KCNIP4: variants seen among roughly 807,000 people sequenced by gnomAD.
KCNIP4 encodes potassium voltage-gated channel interacting protein 4.
Under a neutral mutation model 34.0 loss-of-function variants are expected in KCNIP4, and 12 were observed. The observed-to-expected ratio is 0.35, with a 90% CI of 0.23 to 0.57. KCNIP4 has a LOEUF of 0.57. Ranked by LOEUF, KCNIP4 falls within the 20% of genes least tolerant of loss-of-function variation. The probability of loss-of-function intolerance (pLI) is 0.83; values close to 1 mark genes in which losing one functional copy is unlikely to be tolerated. For missense variants in KCNIP4, 238 were observed against 311.7 expected, an observed-to-expected ratio of 0.76 and a Z score of 1.78; for synonymous variants, 124 against 102.2, an observed-to-expected ratio of 1.21 and a Z score of -1.29.
At chr4:21,141,238 C>A (rs1008723993) in intron 1 of KCNIP4, among the ~76,000 whole-genome samples, 1 of 151,946 alleles carries the variant, frequency 6.6e-6, no homozygotes, top group Non-Finnish European at 1.5e-5. Context: ...GGAAAAATGG[C>A]ACTGATAGAC....
intron 1 of KCNIP4, among the ~76,000 whole-genome samples, chr4:21,412,114 A>C (rs1198749419): frequency 6.6e-6 from 1 of 152,160 alleles, no homozygotes; most frequent in African/African-American, 2.4e-5. Context: ...AATGAAGTGT[A>C]AGAGAAATGA....
At chr4:20,795,228 A>T (rs1463000820) in intron 3 of KCNIP4, among the ~76,000 whole-genome samples, 7 of 152,158 alleles carry the variant, frequency 4.6e-5, no homozygotes, top group Non-Finnish European at 8.8e-5. Flanking sequence ...TTATGGGAAG[A>T]TAGAATAGAA....
chr4:21,117,099 C>G (rs1161465390), intron 1 of KCNIP4, among the ~76,000 whole-genome samples: 1 of 152,122 alleles, frequency 6.6e-6, no homozygotes, highest in Non-Finnish European at 1.5e-5. Flanking sequence ...AACCATTTCA[C>G]AAACGGGGAA....
chr4:21,826,454 G>C (rs1373643199), intron 1 of KCNIP4, among the ~76,000 whole-genome samples: 1 of 152,000 alleles, frequency 6.6e-6, no homozygotes, highest in Non-Finnish European at 1.5e-5. Flanking sequence ...CTTGATCGTA[G>C]CTTATTTGTG....
At chr4:21,169,201 G>A (rs1383592131) in intron 1 of KCNIP4, among the ~76,000 whole-genome samples, 2 of 152,094 alleles carry the variant, frequency 1.3e-5, no homozygotes, top group Non-Finnish European at 2.9e-5. Context: ...AGTGCAGGCT[G>A]GAGTGCAGTG....
At chr4:21,792,326 T>C (rs1017033123) in intron 1 of KCNIP4, among the ~76,000 whole-genome samples, 4 of 152,174 alleles carry the variant, frequency 2.6e-5, no homozygotes, top group Non-Finnish European at 5.9e-5. Context: ...TGGTCAGTCA[T>C]GAGAATTTCC....
intron 1 of KCNIP4, among the ~76,000 whole-genome samples, chr4:21,770,604 C>G (rs1360290035): frequency 3.9e-5 from 6 of 152,130 alleles, no homozygotes; most frequent in Non-Finnish European, 8.8e-5. Context: ...TCACCATAGA[C>G]TCGTCAGCAT....
intron 1 of KCNIP4, among the ~76,000 whole-genome samples, chr4:21,827,315 A>C (rs1397882568): frequency 6.6e-6 from 1 of 152,076 alleles, no homozygotes; most frequent in Non-Finnish European, 1.5e-5. Context: ...CATCCTTAGT[A>C]AAAATTCATA....
chr4:21,762,258 T>C (rs1365722286), intron 1 of KCNIP4, among the ~76,000 whole-genome samples: 1 of 152,054 alleles, frequency 6.6e-6, no homozygotes, highest in Non-Finnish European at 1.5e-5. Context: ...GCAATCAACA[T>C]AAAAAATTAT....
chr4:21,812,477 C>T (rs1282991919), intron 1 of KCNIP4, among the ~76,000 whole-genome samples: 1 of 151,838 alleles, frequency 6.6e-6, no homozygotes, highest in Non-Finnish European at 1.5e-5. Flanking sequence ...AAAAAGTAAA[C>T]AACACAAAAA....
At chr4:20,934,837 G>A (rs573778729) in intron 1 of KCNIP4, among the ~76,000 whole-genome samples, 10 of 152,288 alleles carry the variant, frequency 6.6e-5, no homozygotes, top group African/African-American at 2.4e-4. Flanking sequence ...TAAAACAACT[G>A]CAATTTATTC....
intron 1 of KCNIP4, among the ~76,000 whole-genome samples, chr4:20,924,358 G>A (rs180727735): frequency 5.3e-5 from 8 of 152,272 alleles, no homozygotes; most frequent in East Asian, 3.9e-4. Flanking sequence ...GCCTAAGCAC[G>A]ATCTTTGTGT....
At chr4:20,892,079 A>G (rs1725974089) in intron 1 of KCNIP4, among the ~76,000 whole-genome samples, 2 of 152,202 alleles carry the variant, frequency 1.3e-5, no homozygotes, top group South Asian at 4.1e-4. Context: ...CACTTTTAAG[A>G]GAAGTAGCAA....
At chr4:21,883,556 T>G (rs551055995) in intron 1 of KCNIP4, among the ~76,000 whole-genome samples, 52 of 152,296 alleles carry the variant, frequency 3.4e-4, no homozygotes, top group African/African-American at 1.2e-3. Flanking sequence ...TGATGAACCA[T>G]TGCTCCTGTG....
chr4:21,639,439 A>G (rs536760940), intron 1 of KCNIP4, among the ~76,000 whole-genome samples: 1 of 152,204 alleles, frequency 6.6e-6, no homozygotes, highest in Non-Finnish European at 1.5e-5. Flanking sequence ...TTTGTCATTA[A>G]ATAATTTTAA....
At chr4:21,665,235 AC>A (rs776688122) in intron 1 of KCNIP4, among the ~76,000 whole-genome samples, 3 of 152,112 alleles carry the variant, frequency 2.0e-5, no homozygotes, top group Non-Finnish European at 2.9e-5. Flanking sequence ...AAATTTTATA[AC>A]TTCTGGAAAC....
intron 1 of KCNIP4, among the ~76,000 whole-genome samples, chr4:21,834,030 C>A (rs1015766813): frequency 5.3e-4 from 80 of 152,090 alleles, no homozygotes; most frequent in Non-Finnish European, 1.1e-3. Flanking sequence ...TAGTGTGATG[C>A]CTCCAGCTTT....
chr4:21,747,077 C>A (rs1716827224), intron 1 of KCNIP4, among the ~76,000 whole-genome samples: 1 of 152,124 alleles, frequency 6.6e-6, no homozygotes, highest in Non-Finnish European at 1.5e-5. Flanking sequence ...CGTAGCTCAA[C>A]AGGTCAGCTT....
At chr4:21,479,214 C>G (rs1342044945) in intron 1 of KCNIP4, among the ~76,000 whole-genome samples, 1 of 152,114 alleles carries the variant, frequency 6.6e-6, no homozygotes, top group Non-Finnish European at 1.5e-5. Context: ...ACTCCTTGTA[C>G]TTTAGATTGT....
Sources: gnomAD v4.1 joint callset for allele counts (sites outside exome capture counted in the v4.1 genomes callset) on GRCh38, gnomAD v4.1.1 for gene constraint, MANE v1.5 for transcripts, NCBI Gene and HGNC (gene_info 2026-07-23, HGNC 2026-07-21) for gene names.